The following AHI1 variants were observed in gnomAD, a reference collection of about 807,000 sequenced individuals.
AHI1 encodes jouberin.
A neutral mutation model predicts 149.3 loss-of-function variants in AHI1; 123 were observed. The ratio of observed to expected loss-of-function variants is 0.82; its 90% CI spans 0.71 to 0.96. The LOEUF is 0.96. AHI1 is among the 40% of genes least tolerant of loss of function. The pLI is 0.00. For synonymous variants in AHI1, 475 were observed against 459.8 expected, an observed-to-expected ratio of 1.03 and a Z score of -0.42; for missense variants, 1,439 against 1,422.7, an observed-to-expected ratio of 1.01 and a Z score of -0.18.
intron 23 of AHI1, chr6:135,387,756 T>TAA (rs376916356): frequency 1.9e-4 from 185 of 989,482 alleles, no homozygotes; most frequent in Middle Eastern, 7.7e-4. Context: ...AATTTCAAAC[T>TAA]AAAAAAAAAA....
Position 135,340,758 on chromosome 6 carries a change from A to T in AHI1, c.3165+17374T>A, listed in dbSNP as rs554691290. Among the ~76,000 whole-genome samples, 482 of 148,844 alleles carry T rather than the reference A, an allele frequency of 3.2e-3. 1 individual carries two copies. Among genetic ancestry groups the T allele is most frequent in the South Asian group, 0.013 (61 of 4,698 alleles). ...AAAAAAACTTTGTAAAGAAATAGTT[A>T]TAAAAATAAGTTGGTGGGCTTAAAA... On this transcript the variant is annotated intron_variant, in intron 24 of 28. Coordinates refer to ENST00000265602, the MANE Select transcript of AHI1 (RefSeq NM_001134831.2).
At chr6:135,496,671 C>T (rs1048088217) in intron 2 of AHI1, among the ~76,000 whole-genome samples, 17 of 152,140 alleles carry the variant, frequency 1.1e-4, no homozygotes, top group African/African-American at 4.1e-4. Context: ...CAATATGTGG[C>T]TCAATATCAT....
intron 24 of AHI1, among the ~76,000 whole-genome samples, chr6:135,347,293 A>G (rs1469755308): frequency 1.3e-5 from 2 of 152,320 alleles, no homozygotes; most frequent in Admixed American, 6.5e-5. Context: ...AATATATAGT[A>G]TGTAGCAGGG....
intron 23 of AHI1, among the ~76,000 whole-genome samples, chr6:135,362,212 C>T (rs1056973806): frequency 2.6e-5 from 4 of 151,872 alleles, no homozygotes; most frequent in East Asian, 3.9e-4. Flanking sequence ...GGGATGGTTC[C>T]GTATTTTTGC....
chr6:135,444,547 T>C (rs1464219561), intron 13 of AHI1, among the ~76,000 whole-genome samples: 1 of 152,212 alleles, frequency 6.6e-6, no homozygotes, highest in East Asian at 1.9e-4. Context: ...ACCTTGAGCA[T>C]CCTAGTCTAT....
intron 24 of AHI1, among the ~76,000 whole-genome samples, chr6:135,353,064 G>A (rs6940536): frequency 0.08 from 12,197 of 151,816 alleles, 1,574 homozygotes; most frequent in African/African-American, 0.27. Flanking sequence ...AAATGCCAGT[G>A]GAGTATGCTA....
chr6:135,376,089 G>C (rs1017892868), intron 23 of AHI1, among the ~76,000 whole-genome samples: 1 of 151,410 alleles, frequency 6.6e-6, no homozygotes, highest in Non-Finnish European at 1.5e-5. Flanking sequence ...AAGAAAGACA[G>C]GAATGGGGGG....
intron 27 of AHI1, among the ~76,000 whole-genome samples, chr6:135,292,341 T>C (rs1782466013): frequency 1.3e-5 from 2 of 152,210 alleles, no homozygotes; most frequent in South Asian, 4.1e-4. Context: ...CAGACTGTAG[T>C]GATCCTCTTT....
At chr6:135,466,964 T>C (rs1212948737) in intron 6 of AHI1, among the ~76,000 whole-genome samples, 1 of 152,138 alleles carries the variant, frequency 6.6e-6, no homozygotes, top group Non-Finnish European at 1.5e-5. Flanking sequence ...ATGAGATATA[T>C]TTTTAATAGA....
At chr6:135,430,132 G>A in intron 17 of AHI1, 132 bp from the exon 18 acceptor site, 1 of 554,030 alleles carries the variant, frequency 1.8e-6, no homozygotes, top group African/African-American at 1.9e-5. Context: ...GTTAGCAAAA[G>A]GATTCTGAGT....
chr6:135,293,682 A>G lies in AHI1; in HGVS notation c.3486-3157T>C, dbSNP rs182386286. On this transcript the variant is annotated intron_variant, in intron 27 of 28. Coordinates refer to ENST00000265602, the MANE Select transcript of AHI1 (RefSeq NM_001134831.2). ...CCAAAGACCTATACACTGTATGTCC[A>G]AGACCTATACATTGAAAACTAAAAA... Among the ~76,000 whole-genome samples, 639 of 151,656 alleles carry G rather than the reference A, an allele frequency of 4.2e-3. 2 individuals are homozygous for G. The highest frequency in any genetic ancestry group is 0.01 in the Middle Eastern group (3 of 294).
chr6:135,394,407 T>G (rs1365975122), intron 23 of AHI1, among the ~76,000 whole-genome samples: 2 of 152,076 alleles, frequency 1.3e-5, no homozygotes, highest in Non-Finnish European at 1.5e-5. Context: ...TCTGCCAAAA[T>G]GTATTTTACC....
At chr6:135,339,297 G>C (rs1405513856) in intron 24 of AHI1, among the ~76,000 whole-genome samples, 13 of 152,088 alleles carry the variant, frequency 8.5e-5, no homozygotes, top group Non-Finnish European at 1.5e-5. Flanking sequence ...AACATGCAAG[G>C]AAAGAGGAAA....
chr6:135,328,417 T>G (rs997611385), intron 24 of AHI1, among the ~76,000 whole-genome samples: 3 of 152,212 alleles, frequency 2.0e-5, no homozygotes, highest in African/African-American at 7.2e-5. Flanking sequence ...TTTTCCTTTA[T>G]TATTATATCT....
At chr6:135,492,866 T>C (rs747453953) in intron 3 of AHI1, 2 of 985,306 alleles carry the variant, frequency 2.0e-6, no homozygotes, top group Non-Finnish European at 2.4e-6. Flanking sequence ...TCAGTATGTA[T>C]ATTACTAAAT....
chr6:135,339,802 A>G (rs896443465), intron 24 of AHI1, among the ~76,000 whole-genome samples: 2 of 152,238 alleles, frequency 1.3e-5, no homozygotes. Flanking sequence ...TAATCTGCAC[A>G]TTGACAAGCT....
At chr6:135,456,553 A>G (rs1788985278) in intron 9 of AHI1, among the ~76,000 whole-genome samples, 1 of 152,058 alleles carries the variant, frequency 6.6e-6, no homozygotes, top group Non-Finnish European at 1.5e-5. Context: ...TCAAAAAAAA[A>G]AAAAAAAGAC....
At chr6:135,336,108 C>G (rs1402619749) in intron 24 of AHI1, among the ~76,000 whole-genome samples, 1 of 136,936 alleles carries the variant, frequency 7.3e-6, no homozygotes, top group African/African-American at 2.8e-5. Context: ...AGCGAAACTC[C>G]GTCTAAAAAA....
chr6:135,487,406 A>G (rs185009408), intron 5 of AHI1, among the ~76,000 whole-genome samples: 24 of 152,304 alleles, frequency 1.6e-4, no homozygotes, highest in African/African-American at 5.8e-4. Flanking sequence ...TCACATTATC[A>G]TATACATATA....
Sources: gnomAD v4.1 joint callset for allele counts (sites outside exome capture counted in the v4.1 genomes callset) on GRCh38, gnomAD v4.1.1 for gene constraint, MANE v1.5 for transcripts, NCBI Gene and HGNC (gene_info 2026-07-23, HGNC 2026-07-21) for gene names.